The following KANSL2 variants were observed in gnomAD, a reference collection of about 807,000 sequenced individuals.
KANSL2 encodes the protein KAT8 regulatory NSL complex subunit 2, also known as NSL complex protein NSL2.
In KANSL2, 34 loss-of-function variants were observed where a neutral mutation model predicts 55.6. The ratio of observed to expected loss-of-function variants is 0.61; its 90% CI spans 0.46 to 0.81. KANSL2 has a LOEUF of 0.81. Ranked by LOEUF, KANSL2 falls within the 40% of genes least tolerant of loss-of-function variation. KANSL2 has a pLI of 0.00. For missense variants in KANSL2, 502 were observed against 609.9 expected, an observed-to-expected ratio of 0.82 and a Z score of 1.86; for synonymous variants, 209 against 214.3, an observed-to-expected ratio of 0.98 and a Z score of 0.22.
At chr12:48,655,554 G>A (rs1033541072) in intron 8 of KANSL2, among the ~76,000 whole-genome samples, 10 of 141,650 alleles carry the variant, frequency 7.1e-5, no homozygotes, top group Non-Finnish European at 1.2e-4. Flanking sequence ...GGGTGGCAGA[G>A]CCAGACCCTG....
intron 6 of KANSL2, 73 bp downstream of exon 6, chr12:48,669,033 G>T: frequency 8.0e-7 from 1 of 1,255,202 alleles, no homozygotes; most frequent in Non-Finnish European, 1.1e-6. Flanking sequence ...GACAGTGCGA[G>T]ACTCCGTCTC....
At chr12:48,658,485 T>C (rs1421735997) in intron 8 of KANSL2, 2 of 152,174 alleles carry the variant, frequency 1.3e-5, no homozygotes, top group Non-Finnish European at 2.9e-5. Context: ...CTGGGCGCGA[T>C]GTCTCATGTC....
chr12:48,667,915 C>T, intron 6 of KANSL2, 126 bp from the exon 7 acceptor site: 1 of 691,454 alleles, frequency 1.4e-6, no homozygotes, highest in Admixed American at 2.8e-5. Flanking sequence ...AAAATAGATT[C>T]ACCAATATTA....
intron 8 of KANSL2, chr12:48,656,915 A>T (rs944556137): frequency 5.4e-5 from 16 of 294,188 alleles, no homozygotes; most frequent in Non-Finnish European, 1.1e-4. Flanking sequence ...TGTTTAATCC[A>T]GTTTATAGAT....
At chr12:48,666,269 AGGCCAGGTACAGT>A (rs1939597232) in intron 7 of KANSL2, among the ~76,000 whole-genome samples, 1 of 152,112 alleles carries the variant, frequency 6.6e-6, no homozygotes, top group Non-Finnish European at 1.5e-5. Context: ...AAGTTTATAA[AGGCCAGGTACAGT>A]GGCTGATGAC....
At chr12:48,663,325 A>G (rs78354507) in intron 7 of KANSL2, among the ~76,000 whole-genome samples, 1,592 of 152,320 alleles carry the variant, frequency 0.01, 22 homozygotes, top group African/African-American at 0.037. Context: ...TAGAAGGGTC[A>G]ATTTCACCAT....
intron 5 of KANSL2, 26 bp from the exon 6 acceptor site, chr12:48,669,298 A>G (rs991336517): frequency 6.7e-7 from 1 of 1,503,142 alleles, no homozygotes. Flanking sequence ...TCAAGATGTT[A>G]TTTGCCAAGC....
intron 4 of KANSL2, among the ~76,000 whole-genome samples, chr12:48,678,451 C>T (rs1565609956): frequency 6.6e-6 from 1 of 151,802 alleles, no homozygotes; most frequent in African/African-American, 2.4e-5. Context: ...TTTTATTCTT[C>T]TTTTTAAAAA....
chr12:48,654,217 A>G, intron 9 of KANSL2, 42 bp from the exon 10 acceptor site: 2 of 1,573,632 alleles, frequency 1.3e-6, no homozygotes, highest in Non-Finnish European at 1.7e-6. Flanking sequence ...TAATTCATTC[A>G]CTGTGGTCTG....
In KANSL2 at chr12:48,671,968, A is replaced by G; in HGVS notation, c.546-6T>C. 1 of 1,555,070 alleles carries G rather than the reference A, an allele frequency of 6.4e-7. No homozygotes were observed. The highest frequency in any genetic ancestry group is 1.4e-5 in the African/African-American group (1 of 72,656). ...CTGTGTAGACACCAGCATGTCTGGA[A>G]TAAAACAGAATTCAGCAAAGCATAA... On this transcript the variant is annotated splice_polypyrimidine_tract_variant and splice_region_variant and intron_variant, in intron 4 of 9. Transcript: ENST00000420613.
At chr12:48,661,320 ATT>A (rs1453333872) in intron 7 of KANSL2, 26 of 445,268 alleles carry the variant, frequency 5.8e-5, no homozygotes, top group Non-Finnish European at 6.8e-5. Context: ...CAAGGACTCT[ATT>A]AACAACTTTT....
rs141021681 is a variant in KANSL2, at chr12:48,666,973, G to C, written c.973+720C>G. On this transcript the variant is annotated intron_variant, in intron 7 of 9. Transcript: ENST00000420613. ...AGGCGGGTGGATCACCTGAGGTCAG[G>C]AGCTCGAGACCAGCCTGGCCAACAT... 9.1e-4 allele frequency among the ~76,000 whole-genome samples: 139 copies of C among 152,066 alleles called. 1 individual carries two copies. The East Asian group carries it at 0.023, about 26-fold the overall frequency.
rs1250909066 is a variant in KANSL2 at position 48,679,790 on chromosome 12, G to A, written c.295C>T (p.Leu99Phe). 4 of 1,608,138 alleles carry A rather than the reference G, an allele frequency of 2.5e-6. No individual in the cohort carries two copies. The African/African-American group carries it at 4.0e-5, about 16-fold the overall frequency. ...AEHVRRNALA[L>F]HAQMKKTNPG... is the part of the protein sequence containing the mutation. ...TTGGTCTTCTTCATTTGAGCATGAA[G>A]TGCCAGGGCATTCCTACGGACATGT... The change falls in exon 3 of 10, where the codon CTT (leucine) becomes TTT (phenylalanine). Residue 99 changes from leucine to phenylalanine, a missense_variant. By Grantham distance (22) the Leu-to-Phe change is conservative. Transcript: ENST00000420613.
chr12:48,672,429 A>ATTTTTTTT (rs1217365630), intron 4 of KANSL2, among the ~76,000 whole-genome samples: 1 of 89,776 alleles, frequency 1.1e-5, no homozygotes, highest in African/African-American at 3.7e-5. Flanking sequence ...ATATATATAT[A>ATTTTTTTT]TATATTTTTT....
Position 48,660,295 on chromosome 12 carries a change from C to T in KANSL2, c.1227+71G>A, listed in dbSNP as rs570346023. ...CGATTCTCCTAACCACAAAGACTAA[C>T]CTATTCTCACCATTAATAAATAAGG... is the stretch of plus-strand genomic sequence containing the variant. On this transcript the variant is annotated intron_variant, in intron 8 of 9. Transcript: ENST00000420613. 6.8e-5 allele frequency: 104 copies of T among 1,537,688 alleles called. 1 individual carries two copies. The South Asian group carries it at 1.1e-3, about 16-fold the overall frequency.
rs2137191921 is a variant in KANSL2, at chr12:48,669,329, C to G, written c.710-57G>C. On this transcript the variant is annotated intron_variant, in intron 5 of 9. Transcript: ENST00000420613. ...CAAGCAATCCATCAAGGTTACGTCT[C>G]CAAGTCAACAAGTAAACAGGAAAAT... 3.7e-6 allele frequency: 5 copies of G among 1,365,944 alleles called. No homozygotes were observed. The South Asian group carries it at 7.5e-5, about 21-fold the overall frequency. 84.6% of individuals were successfully genotyped at this position (1,365,944 alleles called of 1,614,324 possible).
At chr12:48,681,794 G>A (rs1435479099) in intron 1 of KANSL2, 153 bp from the exon 2 acceptor site, 10 of 912,362 alleles carry the variant, frequency 1.1e-5, no homozygotes, top group Non-Finnish European at 1.7e-5. Flanking sequence ...AGTCTCCACA[G>A]GCATCTGTGG....
intron 7 of KANSL2, among the ~76,000 whole-genome samples, chr12:48,664,306 T>A (rs1225914682): frequency 6.7e-6 from 1 of 149,332 alleles, no homozygotes; most frequent in African/African-American, 2.5e-5. Flanking sequence ...ACACAGAGTC[T>A]CACATCTGTC....
chr12:48,669,360 G>A, intron 5 of KANSL2, 88 bp from the exon 6 acceptor site: 2 of 1,083,240 alleles, frequency 1.8e-6, no homozygotes, highest in Non-Finnish European at 2.6e-6. Flanking sequence ...AAAATCCTTG[G>A]GCATAAGATA....
Sources: allele counts gnomAD v4.1 joint callset (sites outside exome capture counted in the v4.1 genomes callset), GRCh38; gene constraint gnomAD v4.1.1; transcripts MANE v1.5; gene names NCBI Gene and HGNC (gene_info 2026-07-23, HGNC 2026-07-21).